Variants in BMP6 observed in about 807,000 individuals in gnomAD.
BMP6 encodes the protein VG-1-R.
Under a neutral mutation model 54.1 loss-of-function variants are expected in BMP6, and 17 were observed. The ratio of observed to expected loss-of-function variants is 0.31; its 90% CI spans 0.22 to 0.47. BMP6 has a LOEUF of 0.47. Ranked by LOEUF, BMP6 falls within the 20% of genes least tolerant of loss-of-function variation. The pLI is 1.00. For synonymous variants in BMP6, 328 were observed against 291.2 expected, an observed-to-expected ratio of 1.13 and a Z score of -1.28; for missense variants, 720 against 690.4, an observed-to-expected ratio of 1.04 and a Z score of -0.48.
chr6:7,850,151 G>A (rs746225694), intron 2 of BMP6, among the ~76,000 whole-genome samples: 1 of 152,012 alleles, frequency 6.6e-6, no homozygotes, highest in Non-Finnish European at 1.5e-5. Context: ...TTGTTTGTTT[G>A]TTCGTTTTTG....
At chr6:7,796,962 C>T (rs562510372) in intron 1 of BMP6, among the ~76,000 whole-genome samples, 4 of 152,258 alleles carry the variant, frequency 2.6e-5, no homozygotes, top group South Asian at 2.1e-4. Context: ...AACTCCAATG[C>T]GTTGTTTCTG....
intron 1 of BMP6, among the ~76,000 whole-genome samples, chr6:7,828,131 G>A (rs149485441): frequency 9.3e-4 from 142 of 152,292 alleles, no homozygotes; most frequent in African/African-American, 3.2e-3. Flanking sequence ...TAGCTTGCTT[G>A]TTTTTGGTCA....
intron 2 of BMP6, among the ~76,000 whole-genome samples, chr6:7,853,549 T>C (rs1759177550): frequency 1.3e-5 from 2 of 152,202 alleles, no homozygotes; most frequent in Non-Finnish European, 2.9e-5. Flanking sequence ...ACGGGTTTCT[T>C]TTTTGAAGAG....
chr6:7,841,688 A>G (rs1758972983), intron 1 of BMP6, among the ~76,000 whole-genome samples: 2 of 152,140 alleles, frequency 1.3e-5, no homozygotes, highest in South Asian at 2.1e-4. Context: ...CCAGACGGTA[A>G]TGGGATGGGC....
chr6:7,852,873 GAC>G (rs1165841967), intron 2 of BMP6, among the ~76,000 whole-genome samples: 6 of 152,204 alleles, frequency 3.9e-5, no homozygotes, highest in Non-Finnish European at 5.9e-5. Flanking sequence ...AGAGGAAAGG[GAC>G]TACACAGAAG....
At chr6:7,837,849 A>T (rs941330757) in intron 1 of BMP6, among the ~76,000 whole-genome samples, 4 of 152,230 alleles carry the variant, frequency 2.6e-5, no homozygotes, top group African/African-American at 9.6e-5. Context: ...TTAAAAATGG[A>T]CAGACCTCTA....
intron 4 of BMP6, among the ~76,000 whole-genome samples, chr6:7,875,614 G>T (rs571403326): frequency 6.6e-6 from 1 of 152,180 alleles, no homozygotes; most frequent in Non-Finnish European, 1.5e-5. Flanking sequence ...TCTGCAGTGA[G>T]CCATGATTGT....
At chr6:7,791,620 C>T (rs1051035905) in intron 1 of BMP6, among the ~76,000 whole-genome samples, 7 of 152,138 alleles carry the variant, frequency 4.6e-5, no homozygotes, top group African/African-American at 1.7e-4. Context: ...TAATGGCGCT[C>T]TGAACATCAC....
At chr6:7,748,973 G>A (rs953214689) in intron 1 of BMP6, among the ~76,000 whole-genome samples, 4 of 152,212 alleles carry the variant, frequency 2.6e-5, no homozygotes, top group African/African-American at 9.6e-5. Context: ...AGCATCAGGT[G>A]TCTTGGTAAA....
chr6:7,869,138 G>A (rs376364831), intron 4 of BMP6, among the ~76,000 whole-genome samples: 193 of 152,314 alleles, frequency 1.3e-3, no homozygotes, highest in African/African-American at 4.1e-3. Flanking sequence ...CAGCAGCTGC[G>A]TGGTGGCCCT....
chr6:7,880,647 A>G lies in BMP6; in HGVS notation c.*304A>G, dbSNP rs970326492. ...CCTCCTCCCCCAAAAACCCACCAAA[A>G]TTAGTTTTAGCTGTAGATCAAGCTA... On this transcript the variant is annotated 3_prime_UTR_variant, in exon 7 of 7. Transcript: ENST00000283147. 5.0e-6 allele frequency: 2 copies of G among 399,948 alleles called. No homozygotes were observed. The highest frequency in any genetic ancestry group is 7.3e-4 in the Middle Eastern group (1 of 1,372). 24.8% of individuals were successfully genotyped at this position (399,948 alleles called of 1,614,324 possible).
intron 1 of BMP6, among the ~76,000 whole-genome samples, chr6:7,813,108 A>T (rs868642752): frequency 1.3e-3 from 27 of 21,456 alleles, no homozygotes; most frequent in Non-Finnish European, 1.8e-3. Context: ...AAAAAAAAAA[A>T]ATATATATAT....
chr6:7,811,214 A>G (rs1281164505), intron 1 of BMP6, among the ~76,000 whole-genome samples: 1 of 152,122 alleles, frequency 6.6e-6, no homozygotes, highest in Non-Finnish European at 1.5e-5. Flanking sequence ...CAGGCTGCTG[A>G]CACCTCTCAG....
intron 1 of BMP6, among the ~76,000 whole-genome samples, chr6:7,729,075 G>T (rs1761803020): frequency 6.6e-6 from 1 of 152,142 alleles, no homozygotes; most frequent in South Asian, 2.1e-4. Context: ...TGCCAATCTG[G>T]CTGCTTGCAC....
At chr6:7,861,053 A>G (rs1204685073) in intron 2 of BMP6, among the ~76,000 whole-genome samples, 1 of 152,018 alleles carries the variant, frequency 6.6e-6, no homozygotes, top group Non-Finnish European at 1.5e-5. Context: ...CCACTGCACT[A>G]CAGCCTAGGT....
At chr6:7,735,675 GCA>G (rs968594887) in intron 1 of BMP6, among the ~76,000 whole-genome samples, 19 of 152,242 alleles carry the variant, frequency 1.2e-4, no homozygotes, top group African/African-American at 4.1e-4. Flanking sequence ...CCCCACAGGT[GCA>G]CAGACTCCTC....
chr6:7,878,976 T>G, intron 4 of BMP6, 98 bp from the exon 5 acceptor site: 1 of 1,234,220 alleles, frequency 8.1e-7, no homozygotes, highest in Non-Finnish European at 1.2e-6. Flanking sequence ...ATCCTGAGCC[T>G]AGCACAGAGC....
At chr6:7,855,161 C>T (rs547132491) in intron 2 of BMP6, among the ~76,000 whole-genome samples, 1 of 152,334 alleles carries the variant, frequency 6.6e-6, no homozygotes, top group Non-Finnish European at 1.5e-5. Flanking sequence ...AGCAAGAAAT[C>T]TTGAGAGCAG....
At chr6:7,869,209 G>A (rs1473502941) in intron 4 of BMP6, among the ~76,000 whole-genome samples, 1 of 152,328 alleles carries the variant, frequency 6.6e-6, no homozygotes, top group African/African-American at 2.4e-5. Context: ...TGGTGGCTGC[G>A]CCCTTCCCTT....
Sources: allele counts gnomAD v4.1 joint callset (sites outside exome capture counted in the v4.1 genomes callset), GRCh38; gene constraint gnomAD v4.1.1; transcripts MANE v1.5; gene names NCBI Gene and HGNC (gene_info 2026-07-23, HGNC 2026-07-21).